The following JADE2 variants were observed in gnomAD, a reference collection of about 807,000 sequenced individuals.
JADE2 encodes E3 ubiquitin-protein ligase Jade-2.
JADE2 carries 13 observed loss-of-function variants against 85.7 expected under a neutral mutation model. The observed-to-expected ratio is 0.15, with a 90% CI of 0.10 to 0.24. The LOEUF is 0.24. Among genes scored for constraint, JADE2 ranks in the 10% least tolerant of loss-of-function variants. The pLI is 1.00. For synonymous variants in JADE2, 440 were observed against 456.1 expected (o/e 0.96, Z 0.45); for missense variants, 846 against 1,115.9 (o/e 0.76, Z 3.45).
intron 1 of JADE2, among the ~76,000 whole-genome samples, chr5:134,534,092 T>G (rs915355144): frequency 2.0e-5 from 3 of 152,152 alleles, no homozygotes; most frequent in African/African-American, 7.2e-5. Flanking sequence ...CTGAGCTGTT[T>G]GTACTCTGCT....
At chr5:134,548,477 T>G (rs1762423275) in intron 3 of JADE2, among the ~76,000 whole-genome samples, 1 of 152,204 alleles carries the variant, frequency 6.6e-6, no homozygotes, top group African/African-American at 2.4e-5. Context: ...ACACTGTCAC[T>G]CTGCACACAG....
chr5:134,526,132 C>G, intron 1 of JADE2, 121 bp downstream of exon 1: 2 of 985,516 alleles, frequency 2.0e-6, no homozygotes, highest in Non-Finnish European at 2.4e-6. Flanking sequence ...CGCTCCCTCT[C>G]TCTCCTGCTG....
chr5:134,538,053 G>T lies in JADE2; in HGVS notation c.123G>T (p.Trp41Cys). Residue 41 changes from tryptophan (W) to cysteine (C), a missense_variant, in exon 3 of 12, where the codon TGG (tryptophan) becomes TGT (cysteine). Transcript: ENST00000681547. Reference sequence around the variant, plus strand: ...TGCCCAGCAGCACCAAGTCGGGCTGGCCCCGACAGAACGAAAAGAAGCCCT... The same window carrying T: ...TGCCCAGCAGCACCAAGTCGGGCTGTCCCCGACAGAACGAAAAGAAGCCCT... ...SKLPSSTKSG[W>C]PRQNEKKPSE... 2 of 1,614,154 alleles carry T rather than the reference G, an allele frequency of 1.2e-6. No individual in the cohort carries two copies. Among genetic ancestry groups the T allele is most frequent in the Non-Finnish European group, 1.7e-6 (2 of 1,180,004 alleles).
intron 9 of JADE2, among the ~76,000 whole-genome samples, chr5:134,568,247 G>A (rs986761402): frequency 1.3e-5 from 2 of 152,222 alleles, no homozygotes; most frequent in African/African-American, 4.8e-5. Flanking sequence ...TGAGGAAACT[G>A]GGGCTCGGAG....
chr5:134,545,219 TCA>T (rs1338669876), intron 3 of JADE2, among the ~76,000 whole-genome samples: 1 of 152,160 alleles, frequency 6.6e-6, no homozygotes, highest in Non-Finnish European at 1.5e-5. Flanking sequence ...TTTCTGAGAC[TCA>T]CACTGCCTTT....
intron 9 of JADE2, among the ~76,000 whole-genome samples, chr5:134,569,498 G>A (rs1262941623): frequency 6.6e-6 from 1 of 152,156 alleles, no homozygotes; most frequent in Non-Finnish European, 1.5e-5. Flanking sequence ...AGTTATTTAC[G>A]GCTGACAAAA....
At chr5:134,577,512 C>A (rs991821121) in intron 11 of JADE2, among the ~76,000 whole-genome samples, 1 of 152,180 alleles carries the variant, frequency 6.6e-6, no homozygotes, top group African/African-American at 2.4e-5. Context: ...CCCAGGTCAT[C>A]CTTTCTGTCC....
At chr5:134,556,445 C>A (rs1195760779) in intron 4 of JADE2, among the ~76,000 whole-genome samples, 4 of 151,392 alleles carry the variant, frequency 2.6e-5, no homozygotes, top group African/African-American at 9.7e-5. Flanking sequence ...CACACACACA[C>A]ACCACACACA....
chr5:134,552,463 T>G (rs978966694), intron 4 of JADE2, among the ~76,000 whole-genome samples: 4 of 152,242 alleles, frequency 2.6e-5, no homozygotes, highest in Non-Finnish European at 5.9e-5. Context: ...ATATTCAGTG[T>G]GGCCTTAGAC....
chr5:134,542,027 A>C (rs547679948), intron 3 of JADE2, among the ~76,000 whole-genome samples: 1 of 152,352 alleles, frequency 6.6e-6, no homozygotes, highest in East Asian at 1.9e-4. Context: ...AGCTGAAGGC[A>C]TGGGCCCTGG....
At chr5:134,568,199 GA>G (rs950719135) in intron 9 of JADE2, among the ~76,000 whole-genome samples, 1 of 152,214 alleles carries the variant, frequency 6.6e-6, no homozygotes, top group African/African-American at 2.4e-5. Context: ...CCTGGAAAAA[GA>G]GACTTGAGGA....
At chr5:134,541,682 T>C (rs897716712) in intron 3 of JADE2, among the ~76,000 whole-genome samples, 3 of 151,094 alleles carry the variant, frequency 2.0e-5, no homozygotes, top group African/African-American at 7.3e-5. Flanking sequence ...TTCACTTGTC[T>C]CCTCATCTCT....
chr5:134,537,773 T>C (rs1372959109), intron 2 of JADE2, among the ~76,000 whole-genome samples: 4 of 152,138 alleles, frequency 2.6e-5, no homozygotes, highest in African/African-American at 9.7e-5. Context: ...AGCCTTTGAT[T>C]TCTCCAGCCT....
chr5:134,551,266 T>A (rs574748374), intron 3 of JADE2, among the ~76,000 whole-genome samples: 1 of 152,290 alleles, frequency 6.6e-6, no homozygotes, highest in African/African-American at 2.4e-5. Context: ...GGACTCACTG[T>A]CACTCAGGCT....
intron 2 of JADE2, among the ~76,000 whole-genome samples, chr5:134,537,463 A>C (rs776534839): frequency 2.8e-5 from 4 of 142,780 alleles, no homozygotes; most frequent in Non-Finnish European, 4.7e-5. Context: ...CATTTTACAG[A>C]AGAACAAACT....
rs1463682619 is a variant in JADE2, at chr5:134,570,398, C to T, written c.1435-3247C>T. 4.6e-5 allele frequency among the ~76,000 whole-genome samples: 7 copies of T among 152,200 alleles called. No individual in the cohort carries two copies. The East Asian group carries it at 7.7e-4, about 17-fold the overall frequency. On this transcript the variant is annotated intron_variant, in intron 9 of 11. Coordinates refer to ENST00000681547, the MANE Select transcript of JADE2 (RefSeq NM_001388185.1). ...GTCTGTCTTTTCTTCATCCCCTCTGCGGGTCCTTTTCCACCAATATTTGAA... is the reference window on the plus strand; with the variant it reads ...GTCTGTCTTTTCTTCATCCCCTCTGTGGGTCCTTTTCCACCAATATTTGAA...
intron 1 of JADE2, among the ~76,000 whole-genome samples, chr5:134,531,105 G>A (rs972893589): frequency 3.9e-5 from 6 of 152,242 alleles, no homozygotes; most frequent in Non-Finnish European, 8.8e-5. Flanking sequence ...AGCATAGACT[G>A]ACATGGGCCA....
intron 7 of JADE2, chr5:134,564,223 C>T (rs1332426120): frequency 9.5e-6 from 3 of 317,442 alleles, no homozygotes; most frequent in South Asian, 4.9e-5. Context: ...CACACACTGA[C>T]GGCACACTCA....
At chr5:134,554,074 A>G (rs562580154) in intron 4 of JADE2, among the ~76,000 whole-genome samples, 2 of 152,116 alleles carry the variant, frequency 1.3e-5, no homozygotes, top group South Asian at 4.2e-4. Flanking sequence ...GCTCGATCCC[A>G]TGTAGACCAG....
Sources: allele counts gnomAD v4.1 joint callset (sites outside exome capture counted in the v4.1 genomes callset), GRCh38; gene constraint gnomAD v4.1.1; transcripts MANE v1.5; gene names NCBI Gene and HGNC (gene_info 2026-07-23, HGNC 2026-07-21).